SYN2: variants seen among roughly 807,000 people sequenced by gnomAD.
SYN2 encodes synapsin II.
In SYN2, 19 loss-of-function variants were observed where a neutral mutation model predicts 50.9. That is an observed-to-expected ratio of 0.37 (90% CI 0.26 to 0.55). The LOEUF is 0.55. Among genes scored for constraint, SYN2 ranks in the 20% least tolerant of loss-of-function variants. The pLI, the probability that SYN2 is intolerant of heterozygous loss-of-function variation, is 0.81. For missense variants in SYN2, 587 were observed against 576.4 expected (o/e 1.02, Z -0.19); for synonymous variants, 255 against 224.9 (o/e 1.13, Z -1.20).
intron 1 of SYN2, among the ~76,000 whole-genome samples, chr3:12,023,382 A>G (rs1694187765): frequency 6.6e-6 from 1 of 151,134 alleles, no homozygotes; most frequent in Non-Finnish European, 1.5e-5. Context: ...CCCCAAAGAA[A>G]CAGTGAAGAA....
intron 1 of SYN2, among the ~76,000 whole-genome samples, chr3:12,016,975 C>T (rs544391116): frequency 3.2e-4 from 49 of 151,960 alleles, no homozygotes; most frequent in Admixed American, 3.2e-3. Context: ...ATATAAAGAA[C>T]TCTTTATATA....
At chr3:12,118,195 T>A (rs772807202) in intron 1 of SYN2, among the ~76,000 whole-genome samples, 5 of 152,222 alleles carry the variant, frequency 3.3e-5, no homozygotes, top group Non-Finnish European at 5.9e-5. Flanking sequence ...ATCATTTTGA[T>A]CCTGCCTAAC....
intron 1 of SYN2, among the ~76,000 whole-genome samples, chr3:12,008,755 G>C (rs1693853671): frequency 6.6e-6 from 1 of 152,192 alleles, no homozygotes; most frequent in Non-Finnish European, 1.5e-5. Flanking sequence ...GATGGATCTG[G>C]GCTAGAGTGG....
At chr3:12,025,225 C>T (rs534953369) in intron 1 of SYN2, among the ~76,000 whole-genome samples, 1 of 152,250 alleles carries the variant, frequency 6.6e-6, no homozygotes, top group African/African-American at 2.4e-5. Flanking sequence ...CCAAAGGTTC[C>T]ACCTCCAAAC....
At chr3:12,146,939 T>A (rs1352139180) in intron 4 of SYN2, among the ~76,000 whole-genome samples, 1 of 152,138 alleles carries the variant, frequency 6.6e-6, no homozygotes, top group African/African-American at 2.4e-5. Flanking sequence ...CTGGAATCCA[T>A]TTATAACTTC....
intron 4 of SYN2, 125 bp from the exon 5 acceptor site, chr3:12,151,112 T>G: frequency 1.5e-6 from 1 of 664,980 alleles, no homozygotes; most frequent in South Asian, 1.9e-5. Context: ...TTCTTTTATA[T>G]CCTCACAATG....
At position 12,183,851 on chromosome 3, in the gene SYN2, C is replaced by G. The variant is rs575088351; in HGVS notation, c.1369+479C>G. 5 of 1,026,914 alleles carry G rather than the reference C, an allele frequency of 4.9e-6. No individual in the cohort carries two copies. In the African/African-American group the frequency reaches 8.7e-5, roughly 18 times the overall value. The allele number at this position is 1,026,914 out of a possible 1,614,324, so 63.6% of individuals were successfully genotyped here. ...AAAGAAAACCCAACTCCTCTCCTCC[C>G]CCCAAGCTCAGTTAAATCCCCCACC... is the stretch of plus-strand genomic sequence containing the variant. On this transcript the variant is annotated intron_variant, in intron 11 of 12. Coordinates refer to ENST00000621198, the MANE Select transcript of SYN2 (RefSeq NM_133625.6).
At position 12,153,427 on chromosome 3, in the gene SYN2, C is replaced by T; in HGVS notation, c.774+2101C>T. 4.8e-6 allele frequency: 7 copies of T among 1,459,866 alleles called. No homozygotes were observed. The South Asian group carries it at 8.1e-5, about 17-fold the overall frequency. The allele number at this position is 1,459,866 out of a possible 1,614,324, so 90.4% of individuals were successfully genotyped here. A position where few individuals can be genotyped will look rare whatever the true frequency, so the allele number is the denominator to read the frequency against. On this transcript the variant is annotated intron_variant, in intron 5 of 12. Transcript: ENST00000621198. The stretch of plus-strand genomic sequence containing the variant: ...TTCTTATTAGCTGGCAGCAAGAGGT[C>T]AGGTGGTAATGGCCAAAGCTCTGCA...
intron 11 of SYN2, chr3:12,185,579 T>C (rs1183200583): frequency 1.5e-5 from 15 of 985,908 alleles, no homozygotes; most frequent in Non-Finnish European, 1.7e-5. Context: ...TTCAGGTGTT[T>C]TGTACCTATT....
chr3:12,044,294 A>G (rs962456297), intron 1 of SYN2, among the ~76,000 whole-genome samples: 1 of 152,138 alleles, frequency 6.6e-6, no homozygotes, highest in Non-Finnish European at 1.5e-5. Flanking sequence ...AAAAGCAAAA[A>G]AGAATGAAAT....
intron 5 of SYN2, chr3:12,158,835 A>G: frequency 6.3e-7 from 1 of 1,585,344 alleles, no homozygotes; most frequent in Non-Finnish European, 8.5e-7. Flanking sequence ...GAGGGCTCCC[A>G]GGCATGACAC....
intron 11 of SYN2, among the ~76,000 whole-genome samples, chr3:12,186,096 A>C (rs997338691): frequency 6.6e-6 from 1 of 151,946 alleles, no homozygotes; most frequent in Non-Finnish European, 1.5e-5. Flanking sequence ...TGGCATAGAC[A>C]TACAGTTCTG....
rs1043598127 is a variant in SYN2, at chr3:12,191,814, C to T, written c.*1189C>T. Among the ~76,000 whole-genome samples the T allele has an allele frequency of 1.3e-5, 2 of 152,140 alleles. No individual in the cohort carries two copies. Among genetic ancestry groups the T allele is most frequent in the African/African-American group, 4.8e-5 (2 of 41,420 alleles). ...CTCAGCTGAGGCCCACATGGTGGTG[C>T]CAATGAGGCTGGACCAACCTGCTCT... On this transcript the variant is annotated 3_prime_UTR_variant, in exon 13 of 13. Transcript: ENST00000621198.
intron 1 of SYN2, among the ~76,000 whole-genome samples, chr3:12,040,199 G>A (rs751701474): frequency 1.6e-4 from 24 of 152,140 alleles, no homozygotes; most frequent in Non-Finnish European, 1.9e-4. Context: ...AAAGATAATT[G>A]TAATCTGGTG....
At chr3:12,011,743 C>T (rs755371591) in intron 1 of SYN2, among the ~76,000 whole-genome samples, 7 of 152,208 alleles carry the variant, frequency 4.6e-5, no homozygotes, top group Non-Finnish European at 8.8e-5. Flanking sequence ...GCCTTTCTCC[C>T]ATCTATTTGA....
At chr3:12,069,077 A>G (rs898675630) in intron 1 of SYN2, among the ~76,000 whole-genome samples, 1 of 152,200 alleles carries the variant, frequency 6.6e-6, no homozygotes, top group African/African-American at 2.4e-5. Flanking sequence ...AGGTCCATCC[A>G]TGTTGTAGCA....
chr3:12,084,950 G>A (rs578000314), intron 1 of SYN2, among the ~76,000 whole-genome samples: 11 of 151,804 alleles, frequency 7.2e-5, no homozygotes, highest in East Asian at 1.9e-4. Context: ...AAATCACAAC[G>A]GAGGACAGCA....
At chr3:12,138,322 C>T (rs1445523577) in intron 1 of SYN2, among the ~76,000 whole-genome samples, 1 of 152,124 alleles carries the variant, frequency 6.6e-6, no homozygotes, top group Non-Finnish European at 1.5e-5. Context: ...AAGGAAAAGG[C>T]ATTAGGATAG....
chr3:12,130,436 T>C (rs1696770753), intron 1 of SYN2, among the ~76,000 whole-genome samples: 1 of 152,108 alleles, frequency 6.6e-6, no homozygotes. Context: ...GGAGAAAAGC[T>C]ATGTCCTTGC....
Sources: allele counts gnomAD v4.1 joint callset (sites outside exome capture counted in the v4.1 genomes callset), GRCh38; gene constraint gnomAD v4.1.1; transcripts MANE v1.5; gene names NCBI Gene and HGNC (gene_info 2026-07-23, HGNC 2026-07-21).